Variants in CHST9 observed in about 807,000 individuals in gnomAD.
CHST9 encodes the protein GalNAc-4-sulfotransferase 2.
CHST9 carries 41 observed loss-of-function variants against 44.4 expected under a neutral mutation model. The ratio of observed to expected loss-of-function variants is 0.92; its 90% CI spans 0.72 to 1.20. The LOEUF (loss-of-function observed/expected upper bound fraction) is 1.20. CHST9 is among the 50% of genes most tolerant of loss of function. The pLI is 0.00. For missense variants in CHST9, 504 were observed against 516.5 expected, an observed-to-expected ratio of 0.98 and a Z score of 0.23; for synonymous variants, 171 against 178.4, an observed-to-expected ratio of 0.96 and a Z score of 0.33.
chr18:27,065,167 G>A (rs1371048269), intron 2 of CHST9, among the ~76,000 whole-genome samples: 1 of 152,220 alleles, frequency 6.6e-6, no homozygotes, highest in Non-Finnish European at 1.5e-5. Flanking sequence ...GTAAAGAACA[G>A]CTCACAGCCA....
At chr18:26,923,452 A>G (rs186647457) in intron 5 of CHST9, among the ~76,000 whole-genome samples, 115 of 152,360 alleles carry the variant, frequency 7.5e-4, no homozygotes, top group African/African-American at 2.5e-3. Context: ...CATTAATAAC[A>G]TATGTTTGAA....
At chr18:26,996,322 C>A (rs1316919791) in intron 4 of CHST9, among the ~76,000 whole-genome samples, 2 of 152,158 alleles carry the variant, frequency 1.3e-5, no homozygotes, top group African/African-American at 4.8e-5. Context: ...TTGTCCCCTC[C>A]AAATCCCACG....
intron 4 of CHST9, among the ~76,000 whole-genome samples, chr18:26,992,839 A>G (rs1333603265): frequency 6.6e-6 from 1 of 152,218 alleles, no homozygotes; most frequent in Non-Finnish European, 1.5e-5. Context: ...AAGAAGAGAA[A>G]TAATTATGCT....
intron 4 of CHST9, among the ~76,000 whole-genome samples, chr18:26,991,117 G>T (rs1008726356): frequency 2.6e-5 from 4 of 152,166 alleles, no homozygotes; most frequent in Non-Finnish European, 5.9e-5. Flanking sequence ...AGATTAGACG[G>T]TGGTGAGTAT....
chr18:27,052,555 C>G (rs1464129267), intron 2 of CHST9, among the ~76,000 whole-genome samples: 2 of 152,084 alleles, frequency 1.3e-5, no homozygotes, highest in African/African-American at 4.8e-5. Context: ...AAAGAGACAA[C>G]TGTGACACTA....
At chr18:26,953,345 C>T (rs1454767165) in intron 4 of CHST9, among the ~76,000 whole-genome samples, 1 of 152,128 alleles carries the variant, frequency 6.6e-6, no homozygotes. Flanking sequence ...TAGAGAGAAA[C>T]AGCATTGCCC....
At chr18:27,056,903 T>C (rs967894074) in intron 2 of CHST9, among the ~76,000 whole-genome samples, 1 of 152,228 alleles carries the variant, frequency 6.6e-6, no homozygotes, top group Non-Finnish European at 1.5e-5. Context: ...CCTCATGTCC[T>C]AACTCTTTTC....
intron 1 of CHST9, among the ~76,000 whole-genome samples, chr18:27,150,125 A>G (rs1041447735): frequency 1.4e-4 from 19 of 131,580 alleles, no homozygotes; most frequent in African/African-American, 5.2e-4. Flanking sequence ...CTTTCTCTTT[A>G]TCTTCTTTTT....
At chr18:27,074,739 T>C (rs976450760) in intron 2 of CHST9, among the ~76,000 whole-genome samples, 2 of 151,026 alleles carry the variant, frequency 1.3e-5, no homozygotes, top group Admixed American at 1.3e-4. Context: ...TTTTTAATTA[T>C]TGGTGAGGTT....
chr18:26,993,295 A>T (rs1411880075), intron 4 of CHST9, among the ~76,000 whole-genome samples: 1 of 152,126 alleles, frequency 6.6e-6, no homozygotes, highest in South Asian at 2.1e-4. Context: ...GCTTTTTTTT[A>T]AAATAGGAAG....
At position 26,906,824 on chromosome 18, in the gene CHST9, G is replaced by C. The variant is rs922427921; in HGVS notation, c.*9435C>G. The C allele has an allele frequency of 6.6e-6, 1 of 152,282 alleles. No individual in the cohort carries two copies. Among genetic ancestry groups the C allele is most frequent in the African/African-American group, 2.4e-5 (1 of 41,438 alleles). The allele number at this position is 152,282 out of a possible 1,614,324, so 9.4% of individuals were successfully genotyped here. A position where few individuals can be genotyped will look rare whatever the true frequency, so the allele number is the denominator to read the frequency against. On this transcript the variant is annotated 3_prime_UTR_variant, in exon 6 of 6. Coordinates refer to ENST00000618847, the MANE Select transcript of CHST9 (RefSeq NM_031422.6). Reference sequence around the variant, plus strand: ...TTTAGGGATTAGGAAGTGTTGGGGAGGTGAAGGGGGGTAGGTGGGTGCCCT... The same window carrying C: ...TTTAGGGATTAGGAAGTGTTGGGGACGTGAAGGGGGGTAGGTGGGTGCCCT...
chr18:27,089,937 A>T (rs1281069762), intron 2 of CHST9, among the ~76,000 whole-genome samples: 1 of 148,578 alleles, frequency 6.7e-6, no homozygotes, highest in Non-Finnish European at 1.5e-5. Flanking sequence ...CAGCCTCCCC[A>T]GTAGCTGGGA....
chr18:26,973,731 G>A (rs1385772137), intron 4 of CHST9, among the ~76,000 whole-genome samples: 1 of 152,150 alleles, frequency 6.6e-6, no homozygotes, highest in Non-Finnish European at 1.5e-5. Flanking sequence ...ACCCAAAAGT[G>A]GGTGCCGTCA....
At chr18:27,154,585 T>C (rs997024199) in intron 1 of CHST9, among the ~76,000 whole-genome samples, 11 of 152,150 alleles carry the variant, frequency 7.2e-5, no homozygotes, top group Non-Finnish European at 1.6e-4. Context: ...AGATTAGCCA[T>C]TGGCCAGGGA....
chr18:27,180,567 G>A (rs9947201), intron 1 of CHST9, among the ~76,000 whole-genome samples: 107,655 of 151,844 alleles, frequency 0.71, 38,352 homozygotes, highest in East Asian at 0.77. Context: ...AGTTGATACC[G>A]TGATGGCCAG....
Position 26,912,374 on chromosome 18 carries a change from TACACACACAC to T in CHST9, c.*3875_*3884del, listed in dbSNP as rs56288802. On this transcript the variant is annotated 3_prime_UTR_variant, in exon 6 of 6. Transcript: ENST00000618847. The stretch of plus-strand genomic sequence containing the variant: ...GAAATGTGATAACTAACTAGCTAAA[TACACACACAC>T]ACACACACACACACACACACACACA... 1.7e-5 allele frequency: 2 copies of T among 117,136 alleles called. No individual in the cohort carries two copies. Among genetic ancestry groups the T allele is most frequent in the African/African-American group, 3.2e-5 (1 of 31,618 alleles). The allele number at this position is 117,136 out of a possible 1,614,324, so 7.3% of individuals were successfully genotyped here.
intron 4 of CHST9, among the ~76,000 whole-genome samples, chr18:26,945,973 A>T (rs1166628450): frequency 6.6e-6 from 1 of 152,174 alleles, no homozygotes; most frequent in African/African-American, 2.4e-5. Context: ...GTAGAAGTGT[A>T]AGGCGTATAG....
intron 1 of CHST9, among the ~76,000 whole-genome samples, chr18:27,149,578 G>A (rs2058643537): frequency 6.8e-6 from 1 of 146,454 alleles, no homozygotes; most frequent in African/African-American, 2.5e-5. Context: ...TGCTGAAGTT[G>A]TCTGTACAAA....
chr18:26,913,668 GA>G lies in CHST9; in HGVS notation c.*2590del, dbSNP rs1413512807. 1 of 152,230 alleles carries G rather than the reference GA, an allele frequency of 6.6e-6. No individual in the cohort carries two copies. The highest frequency in any genetic ancestry group is 1.5e-5 in the Non-Finnish European group (1 of 68,040). 9.4% of individuals were successfully genotyped at this position (152,230 alleles called of 1,614,324 possible). On this transcript the variant is annotated 3_prime_UTR_variant, in exon 6 of 6. Coordinates refer to ENST00000618847, the MANE Select transcript of CHST9 (RefSeq NM_031422.6). ...TTAAAATGGGAACTTTGGACATCTG[GA>G]AGATGAGTCTGGATTTGGTCACTTG...
Sources: gnomAD v4.1 joint callset for allele counts (sites outside exome capture counted in the v4.1 genomes callset) on GRCh38, gnomAD v4.1.1 for gene constraint, MANE v1.5 for transcripts, NCBI Gene and HGNC (gene_info 2026-07-23, HGNC 2026-07-21) for gene names.